The following SLC17A6 variants were observed in gnomAD, a reference collection of about 807,000 sequenced individuals.
SLC17A6 encodes the protein vesicular glutamate transporter 2.
SLC17A6 carries 35 observed loss-of-function variants against 67.1 expected under a neutral mutation model. The observed-to-expected ratio is 0.52, with a 90% CI of 0.40 to 0.69. The LOEUF is 0.69. Among genes scored for constraint, SLC17A6 ranks in the 30% least tolerant of loss-of-function variants. SLC17A6 has a pLI of 0.00. For synonymous variants in SLC17A6, 285 were observed against 252.3 expected (o/e 1.13, Z -1.23); for missense variants, 588 against 723.9 (o/e 0.81, Z 2.15).
Position 22,377,553 on chromosome 11 carries a change from A to C in SLC17A6, c.1562A>C (p.Glu521Ala). ...TSEEKCGFIH[E>A]DELDEETGDI... ...GAAGAAAAATGTGGATTTATTCATG[A>C]AGATGAACTCGATGAAGAAACAGGG... Residue 521 changes from glutamate (E) to alanine (A), a missense_variant, in exon 12 of 12, where the codon GAA (glutamate) becomes GCA (alanine). Glu to Ala is a moderately radical substitution (Grantham distance 107). This residue lies in a region of SLC17A6 where 414 missense variants were observed against 563.4 expected (regional missense o/e 0.73). Coordinates refer to ENST00000263160, the MANE Select transcript of SLC17A6 (RefSeq NM_020346.3). The C allele has an allele frequency of 1.2e-6, 2 of 1,614,190 alleles. No homozygotes were observed. The highest frequency in any genetic ancestry group is 1.3e-5 in the African/African-American group (1 of 75,064).
At chr11:22,363,635 T>G (rs1414275965) in intron 6 of SLC17A6, among the ~76,000 whole-genome samples, 2 of 152,172 alleles carry the variant, frequency 1.3e-5, no homozygotes, top group African/African-American at 4.8e-5. Context: ...TTTTGAAATG[T>G]TCTCATCAGA....
Position 22,359,426 on chromosome 11 carries a change from G to T in SLC17A6, c.472G>T (p.Ala158Ser). The T allele has an allele frequency of 6.3e-7, 1 of 1,579,570 alleles. No individual in the cohort carries two copies. The highest frequency in any genetic ancestry group is 8.6e-7 in the Non-Finnish European group (1 of 1,162,474). ...RLAANRVFGA[A>S]ILLTSTLNML... is the part of the protein sequence containing the mutation. Reference sequence around the variant, plus strand: ...TTTCTATTTCAGGGTTTTCGGAGCTGCCATACTTCTTACCTCTACCCTAAA... The same window carrying T: ...TTTCTATTTCAGGGTTTTCGGAGCTTCCATACTTCTTACCTCTACCCTAAA... Residue 158 changes from alanine (A) to serine (S), a missense_variant, in exon 4 of 12, where the codon GCC becomes TCC. Coordinates refer to ENST00000263160, the MANE Select transcript of SLC17A6 (RefSeq NM_020346.3).
chr11:22,356,249 C>T (rs187243178), intron 3 of SLC17A6, among the ~76,000 whole-genome samples: 2 of 152,248 alleles, frequency 1.3e-5, no homozygotes, highest in East Asian at 1.9e-4. Context: ...CAATACTCTC[C>T]TGTGAATATA....
At chr11:22,366,352 T>A (rs1159713582) in intron 7 of SLC17A6, among the ~76,000 whole-genome samples, 1 of 152,124 alleles carries the variant, frequency 6.6e-6, no homozygotes, top group Non-Finnish European at 1.5e-5. Flanking sequence ...AAGGGAGGAC[T>A]ACTATATTCT....
chr11:22,378,453 A>G lies in SLC17A6; in HGVS notation c.*713A>G, dbSNP rs540672229. The G allele has an allele frequency of 2.0e-5, 3 of 152,750 alleles. No homozygotes were observed. Among genetic ancestry groups the G allele is most frequent in the Non-Finnish European group, 4.4e-5 (3 of 68,022 alleles). The allele number at this position is 152,750 out of a possible 1,614,324, so 9.5% of individuals were successfully genotyped here. A position where few individuals can be genotyped will look rare whatever the true frequency, so the allele number is the denominator to read the frequency against. On this transcript the variant is annotated 3_prime_UTR_variant, in exon 12 of 12. Coordinates refer to ENST00000263160, the MANE Select transcript of SLC17A6 (RefSeq NM_020346.3). ...AACAGTTCACATTTCAATAAAATCA[A>G]ACTTTTCATGTAGCGTATCACATAA... is the stretch of plus-strand genomic sequence containing the variant.
In SLC17A6 at chr11:22,378,590, T is replaced by A. The variant is rs893594080; in HGVS notation, c.*850T>A. 6.6e-6 allele frequency: 1 copy of A among 152,424 alleles called. No individual in the cohort carries two copies. Among genetic ancestry groups the A allele is most frequent in the Admixed American group, 6.6e-5 (1 of 15,252 alleles). 9.4% of individuals were successfully genotyped at this position (152,424 alleles called of 1,614,324 possible). A position where few individuals can be genotyped will look rare whatever the true frequency, so the allele number is the denominator to read the frequency against. On this transcript the variant is annotated 3_prime_UTR_variant, in exon 12 of 12. Transcript: ENST00000263160. Reference sequence around the variant, plus strand: ...AAAGAGATATATACACCACAAAGAATCTAATAAGAAATTTATTATGGAGAT... The same window carrying A: ...AAAGAGATATATACACCACAAAGAAACTAATAAGAAATTTATTATGGAGAT...
intron 5 of SLC17A6, chr11:22,362,419 C>T (rs183636623): frequency 2.8e-4 from 108 of 389,782 alleles, no homozygotes; most frequent in African/African-American, 2.1e-3. Flanking sequence ...GTTAGTATTG[C>T]CATACTCTGT....
At chr11:22,340,162 G>C (rs1855799200) in intron 1 of SLC17A6, among the ~76,000 whole-genome samples, 1 of 152,100 alleles carries the variant, frequency 6.6e-6, no homozygotes, top group Admixed American at 6.6e-5. Flanking sequence ...TGCTTTACCC[G>C]TGTGTGTGAA....
intron 3 of SLC17A6, among the ~76,000 whole-genome samples, chr11:22,344,753 C>T (rs1324366840): frequency 1.3e-5 from 2 of 152,134 alleles, no homozygotes; most frequent in Non-Finnish European, 2.9e-5. Flanking sequence ...TAGAGAACCC[C>T]TTTTTATGGA....
At position 22,376,093 on chromosome 11, in the gene SLC17A6, G is replaced by T; in HGVS notation, c.1285+1G>T. ...GGATTCAGTGGATTTGCTATATCTG[G>T]TAAGATATAATTTTTTTTCTTTGTA... On this transcript the variant is annotated splice_donor_variant, in intron 10 of 11. Coordinates refer to ENST00000263160, the MANE Select transcript of SLC17A6 (RefSeq NM_020346.3). LOFTEE classifies it high-confidence loss of function. The T allele has an allele frequency of 6.3e-7, 1 of 1,598,956 alleles. No homozygotes were observed. Among genetic ancestry groups the T allele is most frequent in the Non-Finnish European group, 8.6e-7 (1 of 1,168,990 alleles).
At chr11:22,359,832 A>G (rs1856029730) in intron 4 of SLC17A6, among the ~76,000 whole-genome samples, 2 of 152,128 alleles carry the variant, frequency 1.3e-5, no homozygotes, top group African/African-American at 4.8e-5. Context: ...CAAGAATTTT[A>G]GAGTTTGTCC....
chr11:22,338,716 T>C, intron 1 of SLC17A6, 97 bp downstream of exon 1: 1 of 896,536 alleles, frequency 1.1e-6, no homozygotes, highest in Non-Finnish European at 1.8e-6. Context: ...GATTGTAATA[T>C]GATCGGAAAG....
chr11:22,343,300 CT>C lies in SLC17A6; in HGVS notation c.397del (p.Trp133GlyfsTer33). The C allele has an allele frequency of 6.2e-7, 1 of 1,612,716 alleles. No individual in the cohort carries two copies. Among genetic ancestry groups the C allele is most frequent in the Non-Finnish European group, 8.5e-7 (1 of 1,179,674 alleles). Reference sequence around the variant, plus strand: ...CCGTGGGGATGATCCACGGTTCCTTCTTTTGGGGCTACATCATCACTCAGAT... The same window carrying C: ...CCGTGGGGATGATCCACGGTTCCTTCTTTGGGGCTACATCATCACTCAGAT... ...ETVGMIHGSF[F>X]WGYIITQIPG... On this transcript the variant is annotated frameshift_variant, in exon 3 of 12. Transcript: ENST00000263160. LOFTEE classifies it high-confidence loss of function.
chr11:22,361,248 A>G lies in SLC17A6; in HGVS notation c.661+264A>G, dbSNP rs1856048689. 5 of 311,790 alleles carry G rather than the reference A, an allele frequency of 1.6e-5. No homozygotes were observed. The East Asian group carries it at 2.8e-4, about 18-fold the overall frequency. The allele number at this position is 311,790 out of a possible 1,614,324, so 19.3% of individuals were successfully genotyped here. A position where few individuals can be genotyped will look rare whatever the true frequency, so the allele number is the denominator to read the frequency against. The stretch of plus-strand genomic sequence containing the variant: ...AATATATTCATGGGTGGTTTTTATA[A>G]TACTCTTATACTGCAGTCCATTTTT... On this transcript the variant is annotated intron_variant, in intron 5 of 11. Transcript: ENST00000263160.
At chr11:22,367,116 A>G (rs1284879783) in intron 7 of SLC17A6, among the ~76,000 whole-genome samples, 1 of 152,020 alleles carries the variant, frequency 6.6e-6, no homozygotes, top group Non-Finnish European at 1.5e-5. Flanking sequence ...CTAAGAGCTG[A>G]AAGGTGTCAT....
intron 3 of SLC17A6, among the ~76,000 whole-genome samples, chr11:22,355,153 C>A (rs1464004901): frequency 6.6e-6 from 1 of 152,098 alleles, no homozygotes; most frequent in African/African-American, 2.4e-5. Flanking sequence ...AAATGAGGAA[C>A]AGAAAGTTAC....
chr11:22,366,491 TATC>T (rs1340780063), intron 7 of SLC17A6, among the ~76,000 whole-genome samples: 1 of 152,116 alleles, frequency 6.6e-6, no homozygotes, highest in Admixed American at 6.5e-5. Flanking sequence ...ATTGATAAAA[TATC>T]ATTATCTTTC....
chr11:22,369,811 G>A (rs1390953257), intron 7 of SLC17A6, among the ~76,000 whole-genome samples: 2 of 151,760 alleles, frequency 1.3e-5, no homozygotes, highest in Non-Finnish European at 2.9e-5. Flanking sequence ...CCTAAAGCTG[G>A]AACAATCTAA....
chr11:22,362,033 T>A (rs1856058711), intron 5 of SLC17A6, among the ~76,000 whole-genome samples: 1 of 152,292 alleles, frequency 6.6e-6, no homozygotes, highest in Non-Finnish European at 1.5e-5. Context: ...AGACCTTTTT[T>A]TTTTTACAAT....
Sources: gnomAD v4.1 joint callset for allele counts (sites outside exome capture counted in the v4.1 genomes callset) on GRCh38, gnomAD v4.1.1 for gene constraint, gnomAD v4.1.1 regional missense constraint, MANE v1.5 for transcripts, NCBI Gene and HGNC (gene_info 2026-07-23, HGNC 2026-07-21) for gene names.